The following TEX11 variants were observed in gnomAD, a reference collection of about 807,000 sequenced individuals.
The protein encoded by TEX11 is testis-expressed protein 11.
In TEX11, 7 loss-of-function variants were observed where a neutral mutation model predicts 84.4. That is an observed-to-expected ratio of 0.08 (90% CI 0.05 to 0.16). TEX11 has a LOEUF of 0.16. TEX11 is among the 10% of genes least tolerant of loss of function. The probability of loss-of-function intolerance (pLI) is 1.00; values close to 1 mark genes in which losing one functional copy is unlikely to be tolerated. For missense variants in TEX11, 551 were observed against 660.5 expected (o/e 0.83, Z 1.82); for synonymous variants, 264 against 222.8 (o/e 1.18, Z -1.64).
At chrX:70,744,394 A>C (rs1160617027) in intron 9 of TEX11, among the ~76,000 whole-genome samples, 175 bp from the exon 10 acceptor site, 1 of 109,085 alleles carries the variant, frequency 9.2e-6, no homozygotes, top group African/African-American at 3.3e-5. Context: ...TAATGATATA[A>C]AGCAATACTT....
intron 15 of TEX11, among the ~76,000 whole-genome samples, chrX:70,671,910 T>TATACAC (rs57166359): frequency 7.5e-4 from 51 of 67,970 alleles, no homozygotes; most frequent in East Asian, 2.9e-3. Context: ...TATATATATA[T>TATACAC]ACACACACAC....
intron 8 of TEX11, among the ~76,000 whole-genome samples, chrX:70,813,682 T>C (rs1415556619): frequency 1.8e-5 from 2 of 111,636 alleles, no homozygotes; most frequent in Non-Finnish European, 3.8e-5. Flanking sequence ...GATGACATGA[T>C]TGTATATCTA....
intron 4 of TEX11, among the ~76,000 whole-genome samples, chrX:70,866,139 C>T (rs1470506737): frequency 2.7e-5 from 3 of 111,055 alleles, no homozygotes; most frequent in African/African-American, 6.5e-5. Flanking sequence ...ATAGATACAC[C>T]GCTAACCAGA....
chrX:70,891,362 A>C (rs1205476168), intron 2 of TEX11, among the ~76,000 whole-genome samples: 1 of 111,801 alleles, frequency 8.9e-6, no homozygotes, highest in Non-Finnish European at 1.9e-5. Flanking sequence ...CAATGGAACA[A>C]AGCTGGATGG....
chrX:70,842,432 C>A (rs1394465994), intron 7 of TEX11, among the ~76,000 whole-genome samples: 2 of 111,591 alleles, frequency 1.8e-5, no homozygotes, highest in East Asian at 2.8e-4. Context: ...AATTCAACAA[C>A]ACTTCATGCT....
At chrX:70,760,659 G>A (rs897709742) in intron 9 of TEX11, among the ~76,000 whole-genome samples, 3 of 111,800 alleles carry the variant, frequency 2.7e-5, no homozygotes, top group Non-Finnish European at 5.6e-5. Context: ...AAAAACCCTA[G>A]AAGAAAACCT....
rs1201404250 is a variant in TEX11, at chrX:70,600,046, T to G, written c.2067+5355A>C. Among the ~76,000 whole-genome samples, 10 of 110,852 alleles carry G rather than the reference T, an allele frequency of 9.0e-5. No individual in the cohort carries two copies. In the East Asian group the frequency reaches 1.1e-3, roughly 13 times the overall value. ...TTGGGTATATACCCAGTAATGGGAT[T>G]GCTGGGTCAAATGGTATTTCTAGTT... On this transcript the variant is annotated intron_variant, in intron 24 of 29. Transcript: ENST00000374333.
At chrX:70,515,065 TCACACACA>T in the TEX11 span, among the ~76,000 whole-genome samples, 7 of 87,617 alleles carry the variant, frequency 8.0e-5, no homozygotes, top group East Asian at 3.5e-4. Context: ...TGAAACTCGG[TCACACACA>T]CACACACACA....
At chrX:70,581,416 A>G (rs2147480658) in intron 25 of TEX11, among the ~76,000 whole-genome samples, 1 of 106,320 alleles carries the variant, frequency 9.4e-6, no homozygotes, top group South Asian at 4.3e-4. Context: ...CTCCTAGCAC[A>G]GCCTCCCAAG....
At chrX:70,772,505 G>A (rs970113538) in intron 9 of TEX11, among the ~76,000 whole-genome samples, 8 of 111,112 alleles carry the variant, frequency 7.2e-5, no homozygotes, top group Non-Finnish European at 1.5e-4. Flanking sequence ...GGCCTAGGAG[G>A]TTGAGGCTGC....
intron 8 of TEX11, among the ~76,000 whole-genome samples, chrX:70,829,566 T>C (rs1312622478): frequency 9.1e-6 from 1 of 109,925 alleles, no homozygotes; most frequent in African/African-American, 3.3e-5. Flanking sequence ...AAACTTCTCT[T>C]GACTTAAGTA....
At chrX:70,519,069 T>G in the TEX11 span, among the ~76,000 whole-genome samples, 1 of 112,095 alleles carries the variant, frequency 8.9e-6, no homozygotes, top group African/African-American at 3.2e-5. Flanking sequence ...TTTATCCAAT[T>G]TGCTAGTCTG....
intron 25 of TEX11, among the ~76,000 whole-genome samples, chrX:70,562,403 C>T (rs1457164556): frequency 1.8e-5 from 2 of 111,649 alleles, no homozygotes; most frequent in Non-Finnish European, 3.8e-5. Flanking sequence ...CATGTAACAG[C>T]AAAACTGACT....
chrX:70,648,481 C>T (rs2050332972), intron 17 of TEX11, among the ~76,000 whole-genome samples: 1 of 109,671 alleles, frequency 9.1e-6, no homozygotes, highest in South Asian at 3.8e-4. Context: ...TTTTATTTGC[C>T]AATTAAAAAA....
At chrX:70,532,488 C>A (rs1452105915) in intron 28 of TEX11, among the ~76,000 whole-genome samples, 1 of 112,536 alleles carries the variant, frequency 8.9e-6, no homozygotes, top group Non-Finnish European at 1.9e-5. Context: ...GTAATCCCAG[C>A]ACTTTGGGAG....
At chrX:70,579,496 C>CAAAAACAA (rs1268893747) in intron 25 of TEX11, among the ~76,000 whole-genome samples, 7 of 60,738 alleles carry the variant, frequency 1.2e-4, no homozygotes, top group Admixed American at 7.0e-4. Context: ...GACTCCGTCT[C>CAAAAACAA]AAAAACAAAA....
At chrX:70,885,475 AC>A (rs1212156433) in intron 2 of TEX11, among the ~76,000 whole-genome samples, 2 of 112,113 alleles carry the variant, frequency 1.8e-5, no homozygotes, top group Non-Finnish European at 3.8e-5. Flanking sequence ...AAGAAGATAT[AC>A]AAATGGCCAA....
intron 28 of TEX11, among the ~76,000 whole-genome samples, chrX:70,549,007 C>T (rs1379346941): frequency 9.0e-6 from 1 of 111,401 alleles, no homozygotes; most frequent in Admixed American, 9.5e-5. Flanking sequence ...AGACCCCTTC[C>T]TTCCACTAGA....
chrX:70,683,046 A>G (rs1322772298), intron 13 of TEX11, among the ~76,000 whole-genome samples: 2 of 111,538 alleles, frequency 1.8e-5, no homozygotes, highest in Non-Finnish European at 3.8e-5. Context: ...TAACACCTAT[A>G]GTCAGATAAT....
Sources: gnomAD v4.1 joint callset for allele counts (sites outside exome capture counted in the v4.1 genomes callset) on GRCh38, gnomAD v4.1.1 for gene constraint, MANE v1.5 for transcripts, NCBI Gene and HGNC (gene_info 2026-07-23, HGNC 2026-07-21) for gene names.